MOB4: variants seen among roughly 807,000 people sequenced by gnomAD.
The protein encoded by MOB4 is MOB-like protein phocein.
Under a neutral mutation model 32.2 loss-of-function variants are expected in MOB4, and 4 were observed. The ratio of observed to expected loss-of-function variants is 0.12; its 90% CI spans 0.06 to 0.28. The LOEUF is 0.28. Among genes scored for constraint, MOB4 ranks in the 10% least tolerant of loss-of-function variants. The pLI, the probability that MOB4 is intolerant of heterozygous loss-of-function variation, is 1.00. For missense variants in MOB4, 158 were observed against 271.2 expected (o/e 0.58, Z 2.93); for synonymous variants, 88 against 88.1 (o/e 1.00, Z 0.01).
At chr2:197,530,455 T>C (rs1574635397) in intron 2 of MOB4, among the ~76,000 whole-genome samples, 1 of 151,554 alleles carries the variant, frequency 6.6e-6, no homozygotes, top group African/African-American at 2.4e-5. Context: ...TGTAGAAATG[T>C]GGTCTCGCTA....
At chr2:197,546,550 C>T (rs2086996758) in intron 5 of MOB4, among the ~76,000 whole-genome samples, 1 of 152,036 alleles carries the variant, frequency 6.6e-6, no homozygotes, top group Non-Finnish European at 1.5e-5. Context: ...ATAGTGCCAC[C>T]ATGTCTGGCT....
At chr2:197,544,268 C>T (rs2086952246) in intron 5 of MOB4, among the ~76,000 whole-genome samples, 1 of 152,096 alleles carries the variant, frequency 6.6e-6, no homozygotes, top group African/African-American at 2.4e-5. Flanking sequence ...GACGGAGTTT[C>T]ACCATGTTGA....
rs115156690 is a variant in MOB4, at chr2:197,543,501, A to G, written c.354+3064A>G. 3.9e-3 allele frequency among the ~76,000 whole-genome samples: 595 copies of G among 152,236 alleles called. 4 individuals carry two copies. The highest frequency in any genetic ancestry group is 0.013 in the African/African-American group (551 of 41,548). ...GAAACAAAATGTAGCATGGACATAC[A>G]ATGAAATATTATAAAACCATGAAAG... On this transcript the variant is annotated intron_variant, in intron 5 of 7. Coordinates refer to ENST00000323303, the MANE Select transcript of MOB4 (RefSeq NM_015387.5).
At chr2:197,525,014 C>T (rs138497770) in intron 2 of MOB4, among the ~76,000 whole-genome samples, 3 of 152,040 alleles carry the variant, frequency 2.0e-5, no homozygotes, top group African/African-American at 7.2e-5. Flanking sequence ...TACCATAAAT[C>T]GAGGCTGTTT....
intron 2 of MOB4, among the ~76,000 whole-genome samples, chr2:197,531,243 A>G (rs2086698625): frequency 6.6e-6 from 1 of 151,346 alleles, no homozygotes; most frequent in South Asian, 2.1e-4. Context: ...ACGGGGTTTC[A>G]CCGTGTTAGC....
intron 5 of MOB4, among the ~76,000 whole-genome samples, chr2:197,544,587 G>A (rs368554385): frequency 1.3e-5 from 2 of 151,898 alleles, no homozygotes; most frequent in East Asian, 1.9e-4. Flanking sequence ...CCCCATCTCT[G>A]CTAAAAATAC....
intron 1 of MOB4, among the ~76,000 whole-genome samples, chr2:197,520,893 TAAAAAAAAAAA>T (rs77272123): frequency 8.3e-5 from 9 of 107,902 alleles, no homozygotes; most frequent in African/African-American, 2.8e-4. Context: ...CCTCGTCTCT[TAAAAAAAAAAA>T]AAAAAAAAAA....
intron 1 of MOB4, 129 bp from the exon 2 acceptor site, chr2:197,523,495 A>G (rs774417627): frequency 2.3e-6 from 2 of 863,638 alleles, no homozygotes; most frequent in South Asian, 1.7e-5. Context: ...TTATTTCCTT[A>G]TTTCACTGAT....
At chr2:197,525,547 G>T (rs1197757483) in intron 2 of MOB4, among the ~76,000 whole-genome samples, 3 of 151,874 alleles carry the variant, frequency 2.0e-5, no homozygotes, top group Non-Finnish European at 2.9e-5. Flanking sequence ...AACCAGCCTG[G>T]ACAATATAGT....
At chr2:197,547,628 A>AT (rs2087020208) in intron 5 of MOB4, among the ~76,000 whole-genome samples, 1 of 152,178 alleles carries the variant, frequency 6.6e-6, no homozygotes, top group Non-Finnish European at 1.5e-5. Context: ...AAATAACCTA[A>AT]TTACTGGGTA....
At position 197,544,609 on chromosome 2, in the gene MOB4, C is replaced by T. The variant is rs373816386; in HGVS notation, c.355-3727C>T. 2.6e-3 allele frequency among the ~76,000 whole-genome samples: 397 copies of T among 152,042 alleles called. 2 individuals are homozygous for T. Among genetic ancestry groups the T allele is most frequent in the Non-Finnish European group, 4.2e-3 (288 of 67,970 alleles). ...TCTGCTAAAAATACAAAAAATTACC[C>T]GGGCGCTGTGGCGTGTGCCTGTAGT... On this transcript the variant is annotated intron_variant, in intron 5 of 7. Coordinates refer to ENST00000323303, the MANE Select transcript of MOB4 (RefSeq NM_015387.5).
intron 5 of MOB4, among the ~76,000 whole-genome samples, chr2:197,542,341 G>A (rs1485125493): frequency 6.6e-6 from 1 of 152,164 alleles, no homozygotes; most frequent in Non-Finnish European, 1.5e-5. Flanking sequence ...ATTTCCAAGT[G>A]GTAGTTATAT....
intron 2 of MOB4, among the ~76,000 whole-genome samples, chr2:197,526,791 T>A (rs1260465464): frequency 1.3e-5 from 2 of 152,240 alleles, no homozygotes; most frequent in Non-Finnish European, 2.9e-5. Context: ...AGCAGCCTTG[T>A]CGAAATCTTT....
intron 2 of MOB4, among the ~76,000 whole-genome samples, chr2:197,530,100 G>T (rs1296449530): frequency 2.0e-5 from 3 of 152,042 alleles, no homozygotes; most frequent in Admixed American, 1.3e-4. Context: ...CTCCCTAGTA[G>T]CTGGGATAAC....
rs745515682 is a variant in MOB4, at chr2:197,549,610, C to T, written c.435-665C>T. 6.4e-4 allele frequency among the ~76,000 whole-genome samples: 97 copies of T among 152,072 alleles called. 1 individual carries two copies. Among genetic ancestry groups the T allele is most frequent in the Middle Eastern group, 3.4e-3 (1 of 292 alleles). On this transcript the variant is annotated intron_variant, in intron 6 of 7. Coordinates refer to ENST00000323303, the MANE Select transcript of MOB4 (RefSeq NM_015387.5). ...GCTCAACCAGGCTGGAGTGCAGTGG[C>T]GCAATCTCAGCTCACTGCAACCTCT...
At position 197,550,755 on chromosome 2, in the gene MOB4, T is replaced by G; in HGVS notation, c.*109T>G. ...CATATTATAGCTTCTTTGTTTAGTA[T>G]AGGTTTTTGTATGCTGGGTTTGCCT... On this transcript the variant is annotated 3_prime_UTR_variant, in exon 8 of 8. Coordinates refer to ENST00000323303, the MANE Select transcript of MOB4 (RefSeq NM_015387.5). 1 of 1,334,060 alleles carries G rather than the reference T, an allele frequency of 7.5e-7. No individual in the cohort carries two copies. The highest frequency in any genetic ancestry group is 9.8e-7 in the Non-Finnish European group (1 of 1,023,462). The allele number at this position is 1,334,060 out of a possible 1,614,324, so 82.6% of individuals were successfully genotyped here. A position where few individuals can be genotyped will look rare whatever the true frequency, so the allele number is the denominator to read the frequency against.
At chr2:197,536,037 T>C (rs2086792672) in intron 3 of MOB4, among the ~76,000 whole-genome samples, 1 of 152,004 alleles carries the variant, frequency 6.6e-6, no homozygotes, top group Non-Finnish European at 1.5e-5. Context: ...TAGCTGGGAC[T>C]ACAGGTGTGT....
At chr2:197,541,690 C>T (rs1016652776) in intron 5 of MOB4, among the ~76,000 whole-genome samples, 5 of 152,044 alleles carry the variant, frequency 3.3e-5, no homozygotes, top group South Asian at 2.1e-4. Context: ...GAGGCCGAGG[C>T]GGGCGGATCA....
intron 2 of MOB4, among the ~76,000 whole-genome samples, chr2:197,534,145 G>A (rs1391153492): frequency 6.6e-6 from 1 of 152,132 alleles, no homozygotes; most frequent in Non-Finnish European, 1.5e-5. Context: ...AAATATGTGA[G>A]ACCTTTTGTT....
Sources: allele counts gnomAD v4.1 joint callset (sites outside exome capture counted in the v4.1 genomes callset), GRCh38; gene constraint gnomAD v4.1.1; transcripts MANE v1.5; gene names NCBI Gene and HGNC (gene_info 2026-07-23, HGNC 2026-07-21).